COL22A1: variants seen among roughly 807,000 people sequenced by gnomAD.
COL22A1 encodes the protein collagen type XXII alpha 1 chain, also known as collagen alpha-1(XXII) chain.
A neutral mutation model predicts 248.9 loss-of-function variants in COL22A1; 221 were observed. The ratio of observed to expected loss-of-function variants is 0.89; its 90% CI spans 0.80 to 0.99. COL22A1 has a LOEUF of 0.99. COL22A1 is among the 50% of genes least tolerant of loss of function. The probability of loss-of-function intolerance (pLI) is 0.00; values close to 1 mark genes in which losing one functional copy is unlikely to be tolerated. For missense variants in COL22A1, 2,240 were observed against 2,179.0 expected, an observed-to-expected ratio of 1.03 and a Z score of -0.56; for synonymous variants, 891 against 793.4, an observed-to-expected ratio of 1.12 and a Z score of -2.07.
intron 10 of COL22A1, among the ~76,000 whole-genome samples, chr8:138,804,597 T>C (rs1184779815): frequency 1.3e-5 from 2 of 152,184 alleles, no homozygotes; most frequent in African/African-American, 4.8e-5. Flanking sequence ...CAGAAACCCC[T>C]GCCATCCTCC....
intron 39 of COL22A1, among the ~76,000 whole-genome samples, chr8:138,682,272 C>T (rs1826023957): frequency 6.6e-6 from 1 of 152,132 alleles, no homozygotes; most frequent in Non-Finnish European, 1.5e-5. Flanking sequence ...AGGTGGAATG[C>T]ATAGTAATCA....
In COL22A1 at chr8:138,826,660, G is replaced by A; in HGVS notation, c.967C>T (p.Gln323Ter). Residue 323 changes from glutamine to a stop codon, truncating the protein, a stop_gained and splice_region_variant, in exon 6 of 65, where the codon CAG (glutamine) becomes TAG (stop). Transcript: ENST00000303045. LOFTEE classifies it high-confidence loss of function. ...GATAAGGCATCTGCTGCCCTTACCT[G>A]TGGGATGCTGTACTGGTCGATGACC... is the stretch of plus-strand genomic sequence containing the variant. ...WQVIDQYSIP[Q>*]VSIRLDGENK... 6.2e-7 allele frequency: 1 copy of A among 1,613,768 alleles called. No individual in the cohort carries two copies. The highest frequency in any genetic ancestry group is 8.5e-7 in the Non-Finnish European group (1 of 1,179,782).
At chr8:138,786,344 A>T (rs1217806353) in intron 12 of COL22A1, among the ~76,000 whole-genome samples, 3 of 152,200 alleles carry the variant, frequency 2.0e-5, no homozygotes, top group Middle Eastern at 3.2e-3. Context: ...TACATGGTTA[A>T]GATAACCAAG....
intron 47 of COL22A1, among the ~76,000 whole-genome samples, chr8:138,643,647 T>TAGATAGATAGATAGATAGACAGAC (rs568597361): frequency 1.2e-3 from 32 of 26,592 alleles, no homozygotes; most frequent in African/African-American, 1.8e-3. Flanking sequence ...GATAGATAGA[T>TAGATAGATAGATAGATAGACAGAC]AGACAGATAG....
chr8:138,749,024 C>T (rs908213535), intron 22 of COL22A1, among the ~76,000 whole-genome samples: 1 of 152,152 alleles, frequency 6.6e-6, no homozygotes, highest in Non-Finnish European at 1.5e-5. Flanking sequence ...CATGGTTTTA[C>T]AAGGGAAACC....
In COL22A1 at chr8:138,844,443, C is replaced by T. The variant is rs534663832; in HGVS notation, c.659-285G>A. Among the ~76,000 whole-genome samples, 3 of 152,306 alleles carry T rather than the reference C, an allele frequency of 2.0e-5. No individual in the cohort carries two copies. The East Asian group carries it at 5.8e-4, about 29-fold the overall frequency. On this transcript the variant is annotated intron_variant, in intron 3 of 64. Coordinates refer to ENST00000303045, the MANE Select transcript of COL22A1 (RefSeq NM_152888.3). Reference sequence around the variant, plus strand: ...GAATTCACAGCCTTGTCCGAGGGAGCCAGACACGGACATCAATATTAACAA... The same window carrying T: ...GAATTCACAGCCTTGTCCGAGGGAGTCAGACACGGACATCAATATTAACAA...
chr8:138,670,947 C>T (rs1049479164), intron 41 of COL22A1, among the ~76,000 whole-genome samples: 3 of 106,658 alleles, frequency 2.8e-5, no homozygotes, highest in East Asian at 3.0e-4. Flanking sequence ...GGGGACAGAG[C>T]GAGACCTTGT....
chr8:138,793,727 C>T (rs1026435069), intron 12 of COL22A1, among the ~76,000 whole-genome samples: 2 of 152,168 alleles, frequency 1.3e-5, no homozygotes, highest in African/African-American at 4.8e-5. Flanking sequence ...ACTCCTGGCA[C>T]CAGAAGGTGC....
At chr8:138,630,814 C>T in intron 49 of COL22A1, 66 bp from the exon 50 acceptor site, 1 of 1,362,344 alleles carries the variant, frequency 7.3e-7, no homozygotes, top group Non-Finnish European at 1.0e-6. Context: ...GCACCCTCTG[C>T]TTTGAATACA....
intron 30 of COL22A1, among the ~76,000 whole-genome samples, chr8:138,714,105 C>G (rs4282617): frequency 0.73 from 111,508 of 152,082 alleles, 41,151 homozygotes; most frequent in East Asian, 0.82. Flanking sequence ...CATTCTTCCT[C>G]CTTGAACCTG....
intron 1 of COL22A1, among the ~76,000 whole-genome samples, chr8:138,887,680 A>G (rs181043815): frequency 1.0e-3 from 159 of 152,276 alleles, no homozygotes; most frequent in African/African-American, 3.4e-3. Flanking sequence ...TATTTATTTA[A>G]TATGCTACAG....
chr8:138,779,589 A>C (rs1168333210), intron 13 of COL22A1, 27 bp from the exon 14 acceptor site: 1 of 1,574,116 alleles, frequency 6.4e-7, no homozygotes. Flanking sequence ...ACACAAAGTC[A>C]TAGGCAGTGG....
rs1824180264 is a variant in COL22A1, at chr8:138,663,619, T to C, written c.3186+86A>G. The stretch of plus-strand genomic sequence containing the variant: ...AGGAAATTTCAGAATCTACTTCAGT[T>C]TTTGGTGCTTCCCATTTAAAACTGC... On this transcript the variant is annotated intron_variant, in intron 42 of 64. Transcript: ENST00000303045. 5 of 1,020,752 alleles carry C rather than the reference T, an allele frequency of 4.9e-6. No homozygotes were observed. In the South Asian group the frequency reaches 6.4e-5, roughly 13 times the overall value. The allele number at this position is 1,020,752 out of a possible 1,614,324, so 63.2% of individuals were successfully genotyped here.
At chr8:138,648,583 G>T (rs1457263626) in intron 46 of COL22A1, among the ~76,000 whole-genome samples, 1 of 151,084 alleles carries the variant, frequency 6.6e-6, no homozygotes, top group Non-Finnish European at 1.5e-5. Context: ...GGCAAAGAAG[G>T]CTTTTTTTTT....
chr8:138,619,959 C>A (rs557480545), intron 52 of COL22A1: 1 of 180,896 alleles, frequency 5.5e-6, no homozygotes, highest in South Asian at 1.2e-4. Context: ...TGAATTCCAG[C>A]TGAGCGCCAC....
rs769795947 is a variant in COL22A1 at position 138,877,882 on chromosome 8, C to T, written c.526G>A (p.Gly176Ser). 2 of 1,612,690 alleles carry T rather than the reference C, an allele frequency of 1.2e-6. No individual in the cohort carries two copies. Among genetic ancestry groups the T allele is most frequent in the Admixed American group, 3.3e-5 (2 of 59,948 alleles). Reference sequence around the variant, plus strand: ...TCCTCCTTGAGTGCCTCGCCCACGCCCACGGCAAAGATGCGGATGCCAGCG... The same window carrying T: ...TCCTCCTTGAGTGCCTCGCCCACGCTCACGGCAAAGATGCGGATGCCAGCG... ...HRAGIRIFAV[G>S]VGEALKEELE... The change falls in exon 3 of 65, where the codon GGC (glycine) becomes AGC (serine). Residue 176 changes from glycine to serine, a missense_variant. Physicochemically the swap from Gly to Ser is moderately conservative, Grantham distance 56. Transcript: ENST00000303045.
intron 1 of COL22A1, among the ~76,000 whole-genome samples, chr8:138,888,790 A>G (rs1362935721): frequency 6.6e-6 from 1 of 152,202 alleles, no homozygotes; most frequent in Non-Finnish European, 1.5e-5. Flanking sequence ...CAGCCCTCTC[A>G]TGCTTCACAG....
intron 3 of COL22A1, among the ~76,000 whole-genome samples, chr8:138,859,916 C>T (rs764308857): frequency 3.4e-4 from 51 of 152,182 alleles, no homozygotes; most frequent in Middle Eastern, 3.2e-3. Flanking sequence ...ACCTTCAGCT[C>T]CTCCAAGCAG....
At chr8:138,640,829 C>T (rs1016241658) in intron 47 of COL22A1, among the ~76,000 whole-genome samples, 5 of 152,098 alleles carry the variant, frequency 3.3e-5, no homozygotes, top group Non-Finnish European at 4.4e-5. Flanking sequence ...CAATGAGGGA[C>T]CCAAGGTTCA....
Sources: gnomAD v4.1 joint callset for allele counts (sites outside exome capture counted in the v4.1 genomes callset) on GRCh38, gnomAD v4.1.1 for gene constraint, MANE v1.5 for transcripts, NCBI Gene and HGNC (gene_info 2026-07-23, HGNC 2026-07-21) for gene names.